Variants in POU6F2 observed in about 807,000 individuals in gnomAD.
The protein encoded by POU6F2 is POU class 6 homeobox 2.
In POU6F2, 31 loss-of-function variants were observed where a neutral mutation model predicts 71.3. The ratio of observed to expected loss-of-function variants is 0.43; its 90% CI spans 0.33 to 0.59. POU6F2 has a LOEUF of 0.59. POU6F2 is among the 20% of genes least tolerant of loss of function. The probability of loss-of-function intolerance (pLI) is 0.04; values close to 1 mark genes in which losing one functional copy is unlikely to be tolerated. For missense variants in POU6F2, 783 were observed against 856.8 expected (o/e 0.91, Z 1.07); for synonymous variants, 347 against 355.7 (o/e 0.98, Z 0.27).
rs1367899378 is a variant in POU6F2, at chr7:39,397,872, G to A, written c.973-8728G>A. 1.3e-4 allele frequency among the ~76,000 whole-genome samples: 18 copies of A among 141,686 alleles called. No individual in the cohort carries two copies. The East Asian group carries it at 3.4e-3, about 26-fold the overall frequency. The allele number at this position is 141,686 out of a possible 152,430, so 93.0% of individuals were successfully genotyped here. A position where few individuals can be genotyped will look rare whatever the true frequency, so the allele number is the denominator to read the frequency against. On this transcript the variant is annotated intron_variant, in intron 5 of 9. Coordinates refer to ENST00000518318, the MANE Select transcript of POU6F2 (RefSeq NM_001370959.1). ...TCTTACTCTGTCACCAGGCTGGAGTGCAGTGGTGCGATCTCGGCTCACTGC... is the reference window on the plus strand; with the variant it reads ...TCTTACTCTGTCACCAGGCTGGAGTACAGTGGTGCGATCTCGGCTCACTGC...
chr7:39,380,468 G>A (rs543152180), intron 5 of POU6F2, among the ~76,000 whole-genome samples: 72 of 152,254 alleles, frequency 4.7e-4, no homozygotes, highest in African/African-American at 1.7e-3. Flanking sequence ...GTTGATGTAG[G>A]CCACTCTGCT....
chr7:38,999,706 G>A (rs1562661575), intron 1 of POU6F2, among the ~76,000 whole-genome samples: 1 of 152,100 alleles, frequency 6.6e-6, no homozygotes. Context: ...AGGTTTACGT[G>A]CTTTTTGCAA....
intron 7 of POU6F2, among the ~76,000 whole-genome samples, chr7:39,449,947 G>A (rs1169969707): frequency 6.6e-6 from 1 of 152,192 alleles, no homozygotes; most frequent in Non-Finnish European, 1.5e-5. Flanking sequence ...TCTAGGGCAG[G>A]AAGTTGAGGG....
At chr7:39,343,047 C>T (rs2115633907) in intron 5 of POU6F2, among the ~76,000 whole-genome samples, 2 of 152,292 alleles carry the variant, frequency 1.3e-5, no homozygotes, top group South Asian at 4.2e-4. Flanking sequence ...TCCATTGAGA[C>T]TCAGGACCCA....
At chr7:39,215,029 T>C (rs1218075762) in intron 4 of POU6F2, among the ~76,000 whole-genome samples, 1 of 152,156 alleles carries the variant, frequency 6.6e-6, no homozygotes, top group African/African-American at 2.4e-5. Context: ...TCTCAAGAAT[T>C]TGAAGCAGCT....
intron 4 of POU6F2, among the ~76,000 whole-genome samples, chr7:39,237,331 A>G (rs1291813130): frequency 6.6e-6 from 1 of 152,314 alleles, no homozygotes. Context: ...CCTGCCTGTC[A>G]ATGCAATGTT....
intron 4 of POU6F2, among the ~76,000 whole-genome samples, chr7:39,229,612 A>G (rs1440959106): frequency 6.6e-6 from 1 of 152,226 alleles, no homozygotes; most frequent in East Asian, 1.9e-4. Context: ...CCTATAGCCT[A>G]TATGACTTCA....
At chr7:38,992,679 G>A (rs926599725) in intron 1 of POU6F2, among the ~76,000 whole-genome samples, 5 of 151,426 alleles carry the variant, frequency 3.3e-5, no homozygotes, top group African/African-American at 9.7e-5. Flanking sequence ...TGTCTTCAGG[G>A]ATTTCATGAA....
intron 4 of POU6F2, among the ~76,000 whole-genome samples, chr7:39,312,574 T>A (rs1785186519): frequency 6.6e-6 from 1 of 152,216 alleles, no homozygotes. Context: ...GCAAGTAGCA[T>A]CAAACCCTCT....
At chr7:39,434,763 C>T (rs1431113770) in intron 7 of POU6F2, among the ~76,000 whole-genome samples, 1 of 152,044 alleles carries the variant, frequency 6.6e-6, no homozygotes, top group Non-Finnish European at 1.5e-5. Context: ...TTTGTTGACC[C>T]ATCCTCTAAG....
intron 1 of POU6F2, among the ~76,000 whole-genome samples, chr7:39,004,768 T>C (rs1789010673): frequency 6.6e-6 from 1 of 152,110 alleles, no homozygotes; most frequent in Non-Finnish European, 1.5e-5. Flanking sequence ...ATACTGAAAA[T>C]CAGGGCTGCC....
chr7:39,089,980 A>G (rs1316821880), intron 2 of POU6F2, among the ~76,000 whole-genome samples: 1 of 151,908 alleles, frequency 6.6e-6, no homozygotes, highest in Non-Finnish European at 1.5e-5. Context: ...TACATTGTGC[A>G]TGAATTGGGC....
At chr7:39,295,830 G>C (rs1170923161) in intron 4 of POU6F2, among the ~76,000 whole-genome samples, 1 of 152,204 alleles carries the variant, frequency 6.6e-6, no homozygotes, top group Admixed American at 6.5e-5. Flanking sequence ...AGTAACTTGA[G>C]AGAATTAACC....
chr7:39,320,837 T>C (rs1002383632), intron 4 of POU6F2, among the ~76,000 whole-genome samples: 1 of 152,156 alleles, frequency 6.6e-6, no homozygotes, highest in African/African-American at 2.4e-5. Flanking sequence ...GGAAGATTGC[T>C]TGAGGCCAGG....
intron 2 of POU6F2, among the ~76,000 whole-genome samples, chr7:39,194,730 G>A (rs907357792): frequency 6.6e-6 from 1 of 152,168 alleles, no homozygotes; most frequent in African/African-American, 2.4e-5. Context: ...AGTAACTTTT[G>A]CTGGTGCTCC....
chr7:39,279,544 G>C (rs1009309201), intron 4 of POU6F2, among the ~76,000 whole-genome samples: 2 of 152,144 alleles, frequency 1.3e-5, no homozygotes, highest in Non-Finnish European at 2.9e-5. Context: ...AGTTCTGGAA[G>C]GTTGAAGTCT....
chr7:39,071,702 A>G (rs1206369679), intron 1 of POU6F2, among the ~76,000 whole-genome samples: 1 of 147,668 alleles, frequency 6.8e-6, no homozygotes, highest in Non-Finnish European at 1.5e-5. Flanking sequence ...CACACACAAT[A>G]TCAAAGTTAA....
At chr7:39,046,612 T>C (rs1321246415) in intron 1 of POU6F2, among the ~76,000 whole-genome samples, 1 of 151,974 alleles carries the variant, frequency 6.6e-6, no homozygotes, top group Non-Finnish European at 1.5e-5. Flanking sequence ...ATTCTTGATA[T>C]GTTGAGCCAG....
At chr7:39,448,688 T>C (rs1393354890) in intron 7 of POU6F2, among the ~76,000 whole-genome samples, 1 of 152,198 alleles carries the variant, frequency 6.6e-6, no homozygotes, top group African/African-American at 2.4e-5. Flanking sequence ...GTGTTGTGTC[T>C]GAGGAAGAAA....
Sources: allele counts gnomAD v4.1 joint callset (sites outside exome capture counted in the v4.1 genomes callset), GRCh38; gene constraint gnomAD v4.1.1; transcripts MANE v1.5; gene names NCBI Gene and HGNC (gene_info 2026-07-23, HGNC 2026-07-21).